The following PKDCC variants were observed in gnomAD, a reference collection of about 807,000 sequenced individuals.
PKDCC encodes the protein protein kinase domain containing, cytoplasmic.
A neutral mutation model predicts 44.7 loss-of-function variants in PKDCC; 35 were observed. That is an observed-to-expected ratio of 0.78 (90% CI 0.60 to 1.04). The LOEUF (loss-of-function observed/expected upper bound fraction) is 1.04. Among genes scored for constraint, PKDCC ranks in the 50% least tolerant of loss-of-function variants. PKDCC has a pLI of 0.00. For missense variants in PKDCC, 738 were observed against 672.7 expected (o/e 1.10, Z -1.07); for synonymous variants, 353 against 303.3 (o/e 1.16, Z -1.70).
intron 5 of PKDCC, 28 bp from the exon 6 acceptor site, chr2:42,057,193 C>T (rs1450395489): frequency 1.2e-6 from 2 of 1,610,816 alleles, no homozygotes; most frequent in Non-Finnish European, 8.5e-7. Flanking sequence ...ATACAGAATT[C>T]TCATTTTACT....
chr2:42,049,636 C>T (rs1184600691), intron 1 of PKDCC, among the ~76,000 whole-genome samples: 1 of 152,164 alleles, frequency 6.6e-6, no homozygotes, highest in Non-Finnish European at 1.5e-5. Context: ...GGTTCCTACT[C>T]AACGGGACTC....
Position 42,054,264 on chromosome 2 carries a change from T to C in PKDCC, c.991T>C (p.Cys331Arg), listed in dbSNP as rs757512363. ...FTLPCSAQGW[C>R]EGMNEKRNLY... ...CCTGCCCTGCTCAGCCCAGGGCTGG[T>C]GCGAGGGCATGAACGAGAAGCGGAA... The change falls in exon 3 of 7, where the codon TGC becomes CGC. Residue 331 changes from cysteine to arginine, a missense_variant. Cys to Arg is a radical substitution (Grantham distance 180). Transcript: ENST00000294964. The surrounding 1 kb of genome is among the most constrained non-coding windows in gnomAD (Gnocchi z 6.1). 2.5e-6 allele frequency: 4 copies of C among 1,605,872 alleles called. No individual in the cohort carries two copies. Among genetic ancestry groups the C allele is most frequent in the Non-Finnish European group, 3.4e-6 (4 of 1,175,962 alleles).
chr2:42,057,522 A>G, intron 6 of PKDCC, 81 bp from the exon 7 acceptor site: 14 of 1,560,926 alleles, frequency 9.0e-6, no homozygotes, highest in Non-Finnish European at 1.2e-5. Flanking sequence ...CGTGTCTTCA[A>G]GGCAGTCAAA....
intron 1 of PKDCC, 52 bp from the exon 2 acceptor site, chr2:42,053,187 C>T: frequency 7.7e-7 from 1 of 1,297,144 alleles, no homozygotes. Flanking sequence ...CAGCCCTTCC[C>T]TGTCCCCACC....
Position 42,048,378 on chromosome 2 carries a change from T to G in PKDCC, c.179T>G (p.Ile60Ser). 8.7e-7 allele frequency: 1 copy of G among 1,144,870 alleles called. No individual in the cohort carries two copies. Among genetic ancestry groups the G allele is most frequent in the African/African-American group, 1.7e-5 (1 of 59,626 alleles). The allele number at this position is 1,144,870 out of a possible 1,614,324, so 70.9% of individuals were successfully genotyped here. A position where few individuals can be genotyped will look rare whatever the true frequency, so the allele number is the denominator to read the frequency against. The change falls in exon 1 of 7, where the codon ATC becomes AGC. Residue 60 changes from isoleucine (I) to serine (S), a missense_variant. Transcript: ENST00000294964. The surrounding 1 kb of genome is among the most constrained non-coding windows in gnomAD (Gnocchi z 6.2). ...GGCCGCGGGGAGCTGGCCCGGCAGA[T>G]CCGGGCGCGCTACGAGGAGGTGCAG... ...RGGRGELARQ[I>S]RARYEEVQRY...
rs1349268212 is a variant in PKDCC, at chr2:42,052,474, C to T, written c.640-765C>T. 1.3e-5 allele frequency among the ~76,000 whole-genome samples: 2 copies of T among 152,146 alleles called. No individual in the cohort carries two copies. Among genetic ancestry groups the T allele is most frequent in the Admixed American group, 6.5e-5 (1 of 15,276 alleles). On this transcript the variant is annotated intron_variant, in intron 1 of 6. Transcript: ENST00000294964. The surrounding 1 kb of genome is among the most constrained non-coding windows in gnomAD (Gnocchi z 4.3). The stretch of plus-strand genomic sequence containing the variant: ...TTAGAAAAAACAGATTGTGGCCGGG[C>T]GCAGTGGCTCACGCCTGTAATCCCA...
rs1182943381 is a variant in PKDCC at position 42,055,953 on chromosome 2, A to G, written c.1222+560A>G. 6.6e-6 allele frequency among the ~76,000 whole-genome samples: 1 copy of G among 152,186 alleles called. No homozygotes were observed. The highest frequency in any genetic ancestry group is 2.4e-5 in the African/African-American group (1 of 41,444). ...GGGGAGAATTCTGGCCACTGGTTTCAGGCTGTGGTCCTTCTGCTGAAGCCC... is the reference window on the plus strand; with the variant it reads ...GGGGAGAATTCTGGCCACTGGTTTCGGGCTGTGGTCCTTCTGCTGAAGCCC... On this transcript the variant is annotated intron_variant, in intron 5 of 6. Transcript: ENST00000294964. The surrounding 1 kb of genome is among the most constrained non-coding windows in gnomAD (Gnocchi z 4.5).
Position 42,054,566 on chromosome 2 carries a change from G to A in PKDCC, c.1034+259G>A, listed in dbSNP as rs977971441. ...AATAGTGTTGGACTCGGAGCCTAGG[G>A]CTGGTGGAACTGGCACTTTTCCCTT... On this transcript the variant is annotated intron_variant, in intron 3 of 6. Transcript: ENST00000294964. The surrounding 1 kb of genome is among the most constrained non-coding windows in gnomAD (Gnocchi z 6.1). 8.9e-6 allele frequency: 5 copies of A among 562,062 alleles called. No individual in the cohort carries two copies. Among genetic ancestry groups the A allele is most frequent in the African/African-American group, 1.9e-5 (1 of 53,464 alleles). The allele number at this position is 562,062 out of a possible 1,614,324, so 34.8% of individuals were successfully genotyped here.
chr2:42,048,096 C>G lies in PKDCC; in HGVS notation c.-104C>G. On this transcript the variant is annotated 5_prime_UTR_variant, in exon 1 of 7. Transcript: ENST00000294964. This position sits in a 1 kb window ranked among gnomAD's most constrained non-coding sequence, Gnocchi z 6.2. The stretch of plus-strand genomic sequence containing the variant: ...GCCGGGGCCATGCGCGCGGGCTGGG[C>G]AGGGGGCCGGCGGGGCGCAGAGCGG... 1.5e-6 allele frequency: 1 copy of G among 650,006 alleles called. No individual in the cohort carries two copies. 40.3% of individuals were successfully genotyped at this position (650,006 alleles called of 1,614,324 possible). A position where few individuals can be genotyped will look rare whatever the true frequency, so the allele number is the denominator to read the frequency against.
intron 1 of PKDCC, among the ~76,000 whole-genome samples, chr2:42,050,406 C>T (rs1667945572): frequency 6.6e-6 from 1 of 152,160 alleles, no homozygotes; most frequent in African/African-American, 2.4e-5. Flanking sequence ...GTCTTAGTTA[C>T]TTGACTCAAG....
rs1467442176 is a variant in PKDCC at position 42,058,096 on chromosome 2, G to C, written c.*408G>C. On this transcript the variant is annotated 3_prime_UTR_variant, in exon 7 of 7. Coordinates refer to ENST00000294964, the MANE Select transcript of PKDCC (RefSeq NM_138370.3). The surrounding 1 kb of genome is among the most constrained non-coding windows in gnomAD (Gnocchi z 4.2). The stretch of plus-strand genomic sequence containing the variant: ...TGCTGCACATGCCACAGCAGGCGGT[G>C]GGGGCTGCGTGGGGACAATCCATCG... The C allele has an allele frequency of 1.0e-5, 2 of 197,764 alleles. No homozygotes were observed. Among genetic ancestry groups the C allele is most frequent in the Non-Finnish European group, 1.0e-5 (1 of 96,284 alleles). 12.3% of individuals were successfully genotyped at this position (197,764 alleles called of 1,614,324 possible).
At chr2:42,056,568 T>G (rs1332221916) in intron 5 of PKDCC, among the ~76,000 whole-genome samples, 2 of 152,114 alleles carry the variant, frequency 1.3e-5, no homozygotes, top group Non-Finnish European at 2.9e-5. Flanking sequence ...TGGTTAGAAG[T>G]ACAGATTCTC....
rs1447048619 is a variant in PKDCC, at chr2:42,055,357, C to T, written c.1186C>T (p.Gln396Ter). ...GGTGCTGCACCTGTACCGGAGCGGG[C>T]AGTATCTGCAGAACTCCACGGCAAG... ...EKVLHLYRSGQYLQNSTASSS... is the reference protein window; with the variant it reads ...EKVLHLYRSG The change falls in exon 5 of 7, where the codon CAG becomes TAG. Residue 396 changes from glutamine to a stop codon, truncating the protein, a stop_gained. Transcript: ENST00000294964. LOFTEE classifies it high-confidence loss of function. The surrounding 1 kb of genome is among the most constrained non-coding windows in gnomAD (Gnocchi z 4.5). 5 of 1,613,590 alleles carry T rather than the reference C, an allele frequency of 3.1e-6. No homozygotes were observed. Among genetic ancestry groups the T allele is most frequent in the Non-Finnish European group, 3.4e-6 (4 of 1,179,990 alleles).
In PKDCC at chr2:42,055,494, C is replaced by T; in HGVS notation, c.1222+101C>T. The T allele has an allele frequency of 1.0e-6, 1 of 997,578 alleles. No homozygotes were observed. The highest frequency in any genetic ancestry group is 1.5e-6 in the Non-Finnish European group (1 of 664,186). The allele number at this position is 997,578 out of a possible 1,614,324, so 61.8% of individuals were successfully genotyped here. A position where few individuals can be genotyped will look rare whatever the true frequency, so the allele number is the denominator to read the frequency against. ...AGTGGCTCACCCTTTCTCTGGGGAC[C>T]CTTGTCTCCAAAGGCCACTGTAGGG... is the stretch of plus-strand genomic sequence containing the variant. On this transcript the variant is annotated intron_variant, in intron 5 of 6. Coordinates refer to ENST00000294964, the MANE Select transcript of PKDCC (RefSeq NM_138370.3). The surrounding 1 kb of genome is among the most constrained non-coding windows in gnomAD (Gnocchi z 4.5).
chr2:42,054,357 G>C lies in PKDCC; in HGVS notation c.1034+50G>C, dbSNP rs1668019286. 1 of 1,547,068 alleles carries C rather than the reference G, an allele frequency of 6.5e-7. No homozygotes were observed. Among genetic ancestry groups the C allele is most frequent in the African/African-American group, 1.4e-5 (1 of 73,606 alleles). On this transcript the variant is annotated intron_variant, in intron 3 of 6. Transcript: ENST00000294964. This position sits in a 1 kb window ranked among gnomAD's most constrained non-coding sequence, Gnocchi z 6.1. ...ACTCCATCGAAGGAGAATGGGCCAG[G>C]AGGGCATGGCAGGAAGAGAGCCAAC...
rs1258101366 is a variant in PKDCC, at chr2:42,051,164, A to AG, written c.640-2072dup. ...TAGCAGGCCCCATTCTGCACCTCCCAGGGCTTTCTCTGGTCATGGGGATTG... is the reference window on the plus strand; with the variant it reads ...TAGCAGGCCCCATTCTGCACCTCCCAGGGGCTTTCTCTGGTCATGGGGATTG... On this transcript the variant is annotated intron_variant, in intron 1 of 6. Coordinates refer to ENST00000294964, the MANE Select transcript of PKDCC (RefSeq NM_138370.3). The surrounding 1 kb of genome is among the most constrained non-coding windows in gnomAD (Gnocchi z 4.2). 1.3e-5 allele frequency among the ~76,000 whole-genome samples: 2 copies of AG among 152,044 alleles called. No individual in the cohort carries two copies. Among genetic ancestry groups the AG allele is most frequent in the Non-Finnish European group, 2.9e-5 (2 of 67,996 alleles).
In PKDCC at chr2:42,058,207, A is replaced by G. The variant is rs936815212; in HGVS notation, c.*519A>G. The G allele has an allele frequency of 6.4e-6, 1 of 155,484 alleles. No homozygotes were observed. Among genetic ancestry groups the G allele is most frequent in the African/African-American group, 2.4e-5 (1 of 41,440 alleles). The allele number at this position is 155,484 out of a possible 1,614,324, so 9.6% of individuals were successfully genotyped here. On this transcript the variant is annotated 3_prime_UTR_variant, in exon 7 of 7. Transcript: ENST00000294964. The surrounding 1 kb of genome is among the most constrained non-coding windows in gnomAD (Gnocchi z 4.2). Reference sequence around the variant, plus strand: ...GGGTGATTCTGTACCTGGGGAGGCTATCTCTGACCTCCCGACAGGGGACAC... The same window carrying G: ...GGGTGATTCTGTACCTGGGGAGGCTGTCTCTGACCTCCCGACAGGGGACAC...
In PKDCC at chr2:42,052,206, C is replaced by T. The variant is rs1667979529; in HGVS notation, c.640-1033C>T. Among the ~76,000 whole-genome samples the T allele has an allele frequency of 6.6e-6, 1 of 152,132 alleles. No individual in the cohort carries two copies. Among genetic ancestry groups the T allele is most frequent in the African/African-American group, 2.4e-5 (1 of 41,412 alleles). On this transcript the variant is annotated intron_variant, in intron 1 of 6. Coordinates refer to ENST00000294964, the MANE Select transcript of PKDCC (RefSeq NM_138370.3). The surrounding 1 kb of genome is among the most constrained non-coding windows in gnomAD (Gnocchi z 4.3). ...TTCCAGGAGGAATCATCACTCACTA[C>T]CACCCCCACTGATACACATCACTCA... is the stretch of plus-strand genomic sequence containing the variant.
Position 42,054,319 on chromosome 2 carries a change from C to A in PKDCC, c.1034+12C>A, listed in dbSNP as rs775196352. ...TATAATGCCTACAGGTGACCTCCAC[C>A]CCTGACTCGGGAACTCCATCGAAGG... On this transcript the variant is annotated intron_variant, in intron 3 of 6. Transcript: ENST00000294964. The surrounding 1 kb of genome is among the most constrained non-coding windows in gnomAD (Gnocchi z 6.1). 5 of 1,589,332 alleles carry A rather than the reference C, an allele frequency of 3.1e-6. No homozygotes were observed. The highest frequency in any genetic ancestry group is 1.1e-5 in the South Asian group (1 of 88,136).
Sources: gnomAD v4.1 joint callset for allele counts (sites outside exome capture counted in the v4.1 genomes callset) on GRCh38, gnomAD v4.1.1 for gene constraint, Gnocchi (gnomAD v3.1) non-coding constraint, MANE v1.5 for transcripts, NCBI Gene and HGNC (gene_info 2026-07-23, HGNC 2026-07-21) for gene names.